Variants in KIF5B observed in about 807,000 individuals in gnomAD.
The protein encoded by KIF5B is kinesin family member 5B, also known as kinesin-1 heavy chain.
Under a neutral mutation model 132.8 loss-of-function variants are expected in KIF5B, and 49 were observed. The observed-to-expected ratio is 0.37, with a 90% CI of 0.29 to 0.47. The LOEUF is 0.47. KIF5B is among the 20% of genes least tolerant of loss of function. The pLI, the probability that KIF5B is intolerant of heterozygous loss-of-function variation, is 1.00. For synonymous variants in KIF5B, 355 were observed against 369.4 expected, an observed-to-expected ratio of 0.96 and a Z score of 0.45; for missense variants, 780 against 1,144.0, an observed-to-expected ratio of 0.68 and a Z score of 4.59.
At chr10:32,034,625 TCTA>T in intron 11 of KIF5B, 62 bp downstream of exon 11, 1 of 1,241,608 alleles carries the variant, frequency 8.1e-7, no homozygotes, top group Non-Finnish European at 1.1e-6. Context: ...CTGAACTATT[TCTA>T]CGTTTCTATG....
intron 12 of KIF5B, 85 bp downstream of exon 12, chr10:32,033,760 A>G: frequency 1.2e-6 from 1 of 852,164 alleles, no homozygotes; most frequent in Non-Finnish European, 1.9e-6. Flanking sequence ...TGCCCACAGC[A>G]CTGAAATGAG....
At chr10:32,024,181 G>T (rs1269448952) in intron 15 of KIF5B, among the ~76,000 whole-genome samples, 2 of 116,118 alleles carry the variant, frequency 1.7e-5, no homozygotes, top group African/African-American at 6.9e-5. Context: ...TTGAGACGGA[G>T]TCTCGCTCTG....
At position 32,035,941 on chromosome 10, in the gene KIF5B, G is replaced by A. The variant is rs1345251724; in HGVS notation, c.765C>T (p.Asn255=). ...GAVLDEAKNI[N]KSLSALGNVI... is the part of the protein sequence containing the mutation. ...CATTTCCAAGAGCAGAAAGTGACTT[G>A]TTGATGTTTTTAGCTTCATCCAGCA... Residue 255 remains asparagine (N), a synonymous_variant, in exon 9 of 26, where the codon AAC becomes AAT. Coordinates refer to ENST00000302418, the MANE Select transcript of KIF5B (RefSeq NM_004521.3). 6.2e-7 allele frequency: 1 copy of A among 1,613,136 alleles called. No individual in the cohort carries two copies. Among genetic ancestry groups the A allele is most frequent in the Non-Finnish European group, 8.5e-7 (1 of 1,179,598 alleles).
At position 32,035,675 on chromosome 10, in the gene KIF5B, C is replaced by T. The variant is rs1229381463; in HGVS notation, c.817-8G>A. 1 of 1,586,754 alleles carries T rather than the reference C, an allele frequency of 6.3e-7. No individual in the cohort carries two copies. On this transcript the variant is annotated splice_polypyrimidine_tract_variant and splice_region_variant and intron_variant, in intron 9 of 25. Coordinates refer to ENST00000302418, the MANE Select transcript of KIF5B (RefSeq NM_004521.3). ...TCGATATGGAACATATGTCTGCATA[C>T]AAAAACAAAGAAAGAAAACAAGACC...
In KIF5B at chr10:32,039,319, G is replaced by C. The variant is rs1398435415; in HGVS notation, c.393+8C>G. ...AAATAAAATATAATCTTTCCTCAAG[G>C]AATTTACCTTAATATGAAATTCCAA... On this transcript the variant is annotated splice_region_variant and intron_variant, in intron 4 of 25. Coordinates refer to ENST00000302418, the MANE Select transcript of KIF5B (RefSeq NM_004521.3). 2 of 910,740 alleles carry C rather than the reference G, an allele frequency of 2.2e-6. No individual in the cohort carries two copies. The highest frequency in any genetic ancestry group is 3.5e-6 in the Non-Finnish European group (2 of 577,772). 56.4% of individuals were successfully genotyped at this position (910,740 alleles called of 1,614,324 possible).
At chr10:32,024,097 G>A (rs1329699363) in intron 15 of KIF5B, among the ~76,000 whole-genome samples, 1 of 131,566 alleles carries the variant, frequency 7.6e-6, no homozygotes, top group Non-Finnish European at 1.6e-5. Context: ...GAGAAATAAT[G>A]CAAAACACTA....
rs2132567912 is a variant in KIF5B, at chr10:32,009,180, C to T, written c.*2357G>A. On this transcript the variant is annotated 3_prime_UTR_variant, in exon 26 of 26. Transcript: ENST00000302418. ...GGTAGACTCAGACTCTCTTCTGTCACCTCATGTCAAATGGAGTTAAGCACA... is the reference window on the plus strand; with the variant it reads ...GGTAGACTCAGACTCTCTTCTGTCATCTCATGTCAAATGGAGTTAAGCACA... 1 of 152,310 alleles carries T rather than the reference C, an allele frequency of 6.6e-6. No homozygotes were observed. The highest frequency in any genetic ancestry group is 2.1e-4 in the South Asian group (1 of 4,828). 9.4% of individuals were successfully genotyped at this position (152,310 alleles called of 1,614,324 possible).
intron 15 of KIF5B, among the ~76,000 whole-genome samples, chr10:32,026,192 TG>T (rs372941452): frequency 1.7e-3 from 253 of 152,114 alleles, no homozygotes; most frequent in African/African-American, 6.0e-3. Flanking sequence ...CCCAGCACTC[TG>T]GGAGGCCGAG....
rs988787085 is a variant in KIF5B, at chr10:32,056,201, G to GGCGGCGGCA, written c.-237_-229dup. On this transcript the variant is annotated 5_prime_UTR_variant, in exon 1 of 26. Coordinates refer to ENST00000302418, the MANE Select transcript of KIF5B (RefSeq NM_004521.3). ...ACTTCCGATCCATCATGGCAGCCAT[G>GGCGGCGGCA]GCGGCGGCAGCGGCGGCGGCACCGG... 4 of 510,166 alleles carry GGCGGCGGCA rather than the reference G, an allele frequency of 7.8e-6. No individual in the cohort carries two copies. The highest frequency in any genetic ancestry group is 7.8e-5 in the East Asian group (2 of 25,616). The allele number at this position is 510,166 out of a possible 1,614,324, so 31.6% of individuals were successfully genotyped here. A position where few individuals can be genotyped will look rare whatever the true frequency, so the allele number is the denominator to read the frequency against.
chr10:32,040,487 A>AT (rs754168467), intron 2 of KIF5B, 30 bp from the exon 3 acceptor site: 54 of 1,317,420 alleles, frequency 4.1e-5, no homozygotes, highest in Non-Finnish European at 5.6e-5. Context: ...AGTTCAGGGG[A>AT]TTTTTTCCTT....
At chr10:32,043,405 G>A (rs1841567589) in intron 2 of KIF5B, among the ~76,000 whole-genome samples, 1 of 152,166 alleles carries the variant, frequency 6.6e-6, no homozygotes, top group Non-Finnish European at 1.5e-5. Context: ...ATGAAGCTGA[G>A]ACGCAAATGC....
chr10:32,020,878 A>G (rs985444864), intron 19 of KIF5B, 144 bp downstream of exon 19: 2 of 546,688 alleles, frequency 3.7e-6, no homozygotes, highest in African/African-American at 3.8e-5. Context: ...GGAATTTAGA[A>G]GTTTTACTCA....
chr10:32,013,946 TTTC>T (rs1355480899), intron 25 of KIF5B, among the ~76,000 whole-genome samples: 1 of 152,230 alleles, frequency 6.6e-6, no homozygotes, highest in Non-Finnish European at 1.5e-5. Context: ...CTTCAGAATA[TTTC>T]TTAATTCTCT....
chr10:32,026,419 C>G (rs1175096861), intron 15 of KIF5B, among the ~76,000 whole-genome samples: 1 of 105,056 alleles, frequency 9.5e-6, no homozygotes, highest in Admixed American at 1.5e-4. Flanking sequence ...GCCTGGGAGA[C>G]ACAGTGAGAT....
intron 1 of KIF5B, among the ~76,000 whole-genome samples, chr10:32,055,630 C>G (rs1044385308): frequency 6.6e-6 from 1 of 152,184 alleles, no homozygotes; most frequent in African/African-American, 2.4e-5. Flanking sequence ...GGGCGCTTCC[C>G]GTCTCCCGGC....
In KIF5B at chr10:32,035,508, T is replaced by C. The variant is rs1305073552; in HGVS notation, c.962+14A>G. 7 of 1,597,586 alleles carry C rather than the reference T, an allele frequency of 4.4e-6. No homozygotes were observed. The South Asian group carries it at 6.9e-5, about 16-fold the overall frequency. On this transcript the variant is annotated intron_variant, in intron 10 of 25. Transcript: ENST00000302418. Reference sequence around the variant, plus strand: ...CTATCTAAATTTAGGTTTTGTACTTTCTTAACAACAAACCTTTGGCCAAAT... The same window carrying C: ...CTATCTAAATTTAGGTTTTGTACTTCCTTAACAACAAACCTTTGGCCAAAT...
In KIF5B at chr10:32,037,600, G is replaced by A. The variant is rs775799654; in HGVS notation, c.506C>T (p.Thr169Ile). 1 of 1,605,558 alleles carries A rather than the reference G, an allele frequency of 6.2e-7. No homozygotes were observed. The highest frequency in any genetic ancestry group is 8.5e-7 in the Non-Finnish European group (1 of 1,172,766). The change falls in exon 7 of 26, where the codon ACA (threonine) becomes ATA (isoleucine). Residue 169 changes from threonine (T) to isoleucine (I), a missense_variant. This residue lies in a region of KIF5B where 76 missense variants were observed against 146.4 expected (regional missense o/e 0.52). Transcript: ENST00000302418. ...ATCTGGACTACATACAAAACGCTCTGTGCACCCCTGTGAAATAATTTTTAA... is the reference window on the plus strand; with the variant it reads ...ATCTGGACTACATACAAAACGCTCTATGCACCCCTGTGAAATAATTTTTAA... ...KNRVPYVKGCTERFVCSPDEV... is the reference protein window; with the variant it reads ...KNRVPYVKGCIERFVCSPDEV...
chr10:32,020,563 G>C (rs114341341), intron 19 of KIF5B, among the ~76,000 whole-genome samples: 3 of 151,998 alleles, frequency 2.0e-5, no homozygotes, highest in Admixed American at 2.0e-4. Context: ...TGGGACTACA[G>C]GCATGTGCCA....
intron 1 of KIF5B, among the ~76,000 whole-genome samples, chr10:32,050,372 G>GCGGTCTGTT (rs1188376837): frequency 6.6e-6 from 1 of 152,144 alleles, no homozygotes; most frequent in Non-Finnish European, 1.5e-5. Flanking sequence ...ATATGAAGTG[G>GCGGTCTGTT]CGGTCTGTTC....
Sources: allele counts gnomAD v4.1 joint callset (sites outside exome capture counted in the v4.1 genomes callset), GRCh38; gene constraint gnomAD v4.1.1; regional missense constraint gnomAD v4.1.1; transcripts MANE v1.5; gene names NCBI Gene and HGNC (gene_info 2026-07-23, HGNC 2026-07-21).